The following ARHGEF3 variants were observed in gnomAD, a reference collection of about 807,000 sequenced individuals.
ARHGEF3 encodes the protein Rho guanine nucleotide exchange factor 3.
Under a neutral mutation model 63.2 loss-of-function variants are expected in ARHGEF3, and 28 were observed. The ratio of observed to expected loss-of-function variants is 0.44; its 90% CI spans 0.33 to 0.61. The LOEUF (loss-of-function observed/expected upper bound fraction) is 0.61, where lower values mean the gene tolerates loss of function less well. Ranked by LOEUF, ARHGEF3 falls within the 20% of genes least tolerant of loss-of-function variation. The pLI, the probability that ARHGEF3 is intolerant of heterozygous loss-of-function variation, is 0.03. For missense variants in ARHGEF3, 533 were observed against 659.3 expected (o/e 0.81, Z 2.10); for synonymous variants, 266 against 254.2 (o/e 1.05, Z -0.44).
At chr3:56,755,924 T>C (rs1273531388) in intron 2 of ARHGEF3, among the ~76,000 whole-genome samples, 2 of 152,186 alleles carry the variant, frequency 1.3e-5, no homozygotes, top group Non-Finnish European at 2.9e-5. Context: ...CCACTGTGCC[T>C]GAAACCAGAA....
chr3:57,043,869 T>C (rs749216062), intron 1 of ARHGEF3, among the ~76,000 whole-genome samples: 4 of 152,232 alleles, frequency 2.6e-5, no homozygotes, highest in Non-Finnish European at 5.9e-5. Context: ...TACTCAATGG[T>C]TAGTGTTAAC....
chr3:57,007,436 G>A, intron 2 of ARHGEF3: 3 of 1,182,592 alleles, frequency 2.5e-6, no homozygotes, highest in Non-Finnish European at 2.2e-6. Flanking sequence ...GGCTTGGAAA[G>A]TGAGAATTTG....
intron 2 of ARHGEF3, among the ~76,000 whole-genome samples, chr3:57,030,951 C>T (rs144683849): frequency 6.6e-6 from 1 of 152,228 alleles, no homozygotes; most frequent in Admixed American, 6.5e-5. Context: ...CTGCATCTCA[C>T]AAACGGAAGC....
At chr3:56,789,275 A>G (rs1357502917) in intron 1 of ARHGEF3, among the ~76,000 whole-genome samples, 1 of 152,204 alleles carries the variant, frequency 6.6e-6, no homozygotes, top group Non-Finnish European at 1.5e-5. Context: ...CTTAACCAGT[A>G]CATTCTAGGG....
intron 2 of ARHGEF3, among the ~76,000 whole-genome samples, chr3:56,979,794 T>A (rs1189135327): frequency 6.6e-6 from 1 of 152,200 alleles, no homozygotes; most frequent in East Asian, 1.9e-4. Context: ...GGGAAAATAA[T>A]TGTACCAACT....
intron 3 of ARHGEF3, among the ~76,000 whole-genome samples, chr3:56,911,709 G>A (rs552755555): frequency 5.9e-5 from 9 of 152,056 alleles, no homozygotes; most frequent in African/African-American, 1.9e-4. Flanking sequence ...ACCTTGCATC[G>A]AATATGCTGC....
intron 2 of ARHGEF3, among the ~76,000 whole-genome samples, chr3:56,987,103 T>C (rs572541695): frequency 6.6e-6 from 1 of 152,238 alleles, no homozygotes; most frequent in East Asian, 1.9e-4. Flanking sequence ...TCCCAGCTAC[T>C]AGGAAGGCTA....
intron 3 of ARHGEF3, among the ~76,000 whole-genome samples, chr3:56,918,720 G>A (rs908528624): frequency 1.3e-5 from 2 of 152,304 alleles, no homozygotes; most frequent in South Asian, 2.1e-4. Flanking sequence ...GCTCTGATCC[G>A]CAAGGTCCAC....
At chr3:57,053,317 C>T (rs975960720) in intron 1 of ARHGEF3, among the ~76,000 whole-genome samples, 6 of 152,068 alleles carry the variant, frequency 3.9e-5, no homozygotes, top group African/African-American at 1.4e-4. Context: ...CAGGAGCAAT[C>T]ACCGCTGCCC....
intron 3 of ARHGEF3, among the ~76,000 whole-genome samples, chr3:56,929,324 G>T (rs2042352640): frequency 6.6e-6 from 1 of 152,192 alleles, no homozygotes; most frequent in Non-Finnish European, 1.5e-5. Context: ...TTCTGCTACA[G>T]AAAGAAGGGA....
intron 3 of ARHGEF3, among the ~76,000 whole-genome samples, chr3:56,947,184 T>C (rs1269331621): frequency 6.6e-6 from 1 of 152,188 alleles, no homozygotes; most frequent in East Asian, 1.9e-4. Context: ...TGCCAAATTG[T>C]AAAGACCATC....
chr3:56,737,408 C>T, intron 7 of ARHGEF3, 53 bp from the exon 8 acceptor site: 2 of 1,488,494 alleles, frequency 1.3e-6, no homozygotes, highest in Non-Finnish European at 9.2e-7. Flanking sequence ...AAACCATTCA[C>T]ACCAAGTCTT....
At chr3:56,835,647 A>G (rs979114840) in intron 4 of ARHGEF3, among the ~76,000 whole-genome samples, 2 of 152,258 alleles carry the variant, frequency 1.3e-5, no homozygotes, top group Non-Finnish European at 2.9e-5. Context: ...GGTCTAAGCC[A>G]CGTGGAAGGA....
At chr3:56,926,666 C>A (rs904607600) in intron 3 of ARHGEF3, among the ~76,000 whole-genome samples, 1 of 152,202 alleles carries the variant, frequency 6.6e-6, no homozygotes, top group Non-Finnish European at 1.5e-5. Flanking sequence ...AGAGCTCTCA[C>A]ATGGATAATT....
chr3:57,072,774 T>G, intron 1 of ARHGEF3, among the ~76,000 whole-genome samples: 1 of 149,544 alleles, frequency 6.7e-6, no homozygotes, highest in Non-Finnish European at 1.5e-5. Context: ...AAGCCAGGCG[T>G]GGTGGCTCAC....
At chr3:57,049,955 G>A (rs1174131575) in intron 1 of ARHGEF3, among the ~76,000 whole-genome samples, 3 of 152,174 alleles carry the variant, frequency 2.0e-5, no homozygotes, top group Non-Finnish European at 4.4e-5. Flanking sequence ...GCAGGGGCTG[G>A]GATGTGAGCC....
chr3:56,822,410 A>T (rs533539970), intron 4 of ARHGEF3, among the ~76,000 whole-genome samples: 2 of 152,368 alleles, frequency 1.3e-5, no homozygotes, highest in South Asian at 4.1e-4. Flanking sequence ...CTGCATGAAC[A>T]CTGCATAAAC....
intron 2 of ARHGEF3, among the ~76,000 whole-genome samples, chr3:57,017,333 T>C (rs948789598): frequency 1.3e-5 from 2 of 152,144 alleles, no homozygotes; most frequent in African/African-American, 4.8e-5. Flanking sequence ...TAAATGGCTG[T>C]TACTGTACCA....
chr3:56,851,575 AG>A (rs767728248), intron 4 of ARHGEF3, among the ~76,000 whole-genome samples: 5 of 151,846 alleles, frequency 3.3e-5, no homozygotes, highest in Non-Finnish European at 7.4e-5. Context: ...TTATGTAGAG[AG>A]GGGGTTTTAC....
Sources: allele counts gnomAD v4.1 joint callset (sites outside exome capture counted in the v4.1 genomes callset), GRCh38; gene constraint gnomAD v4.1.1; transcripts MANE v1.5; gene names NCBI Gene and HGNC (gene_info 2026-07-23, HGNC 2026-07-21).